The following HYAL4 variants were observed in gnomAD, a reference collection of about 807,000 sequenced individuals.
The protein encoded by HYAL4 is hyaluronidase 4, also known as hyaluronidase-4.
HYAL4 carries 37 observed loss-of-function variants against 35.2 expected under a neutral mutation model. The observed-to-expected ratio is 1.05, with a 90% CI of 0.81 to 1.38. HYAL4 has a LOEUF of 1.38. Ranked by LOEUF, HYAL4 falls within the 40% of genes most tolerant of loss-of-function variation. The pLI is 0.00. For synonymous variants in HYAL4, 198 were observed against 203.2 expected (o/e 0.97, Z 0.22); for missense variants, 572 against 572.4 (o/e 1.00, Z 0.01).
At chr7:123,837,358 A>G (rs1018636156) in intron 1 of HYAL4, among the ~76,000 whole-genome samples, 10 of 152,110 alleles carry the variant, frequency 6.6e-5, no homozygotes, top group African/African-American at 1.9e-4. Context: ...TCAAAAAGGA[A>G]GTGTTTAAGT....
At chr7:123,838,130 C>T (rs560096052) in intron 1 of HYAL4, among the ~76,000 whole-genome samples, 13 of 152,196 alleles carry the variant, frequency 8.5e-5, no homozygotes, top group East Asian at 3.9e-4. Context: ...TTTACAGTCC[C>T]GCCAACAGTG....
chr7:123,769,577 T>A, the HYAL4 span, among the ~76,000 whole-genome samples: 1 of 152,060 alleles, frequency 6.6e-6, no homozygotes, highest in African/African-American at 2.4e-5. Context: ...CTCTCTGCAA[T>A]TGGAGCAATA....
chr7:123,791,449 T>G, the HYAL4 span, among the ~76,000 whole-genome samples: 2 of 152,224 alleles, frequency 1.3e-5, no homozygotes, highest in Non-Finnish European at 2.9e-5. Flanking sequence ...ATTTTCTAAA[T>G]AAAGCCATCT....
the HYAL4 span, among the ~76,000 whole-genome samples, chr7:123,798,636 C>T: frequency 6.6e-6 from 1 of 152,098 alleles, no homozygotes; most frequent in African/African-American, 2.4e-5. Context: ...ATCAAACATG[C>T]CATTTACTCC....
At position 123,868,993 on chromosome 7, in the gene HYAL4, C is replaced by CG. The variant is rs1563003909; in HGVS notation, c.721dup (p.Glu241GlyfsTer7). ...ACTACTCTGGGTCATGCCCAGAAGA[C>CG]GAAGTCTTGAGGAACAATGAGCTCT... On this transcript the variant is annotated frameshift_variant, in exon 3 of 5. Transcript: ENST00000223026. LOFTEE classifies it high-confidence loss of function. 1 of 1,613,810 alleles carries CG rather than the reference C, an allele frequency of 6.2e-7. No homozygotes were observed. The highest frequency in any genetic ancestry group is 1.1e-5 in the South Asian group (1 of 91,054).
chr7:123,849,166 G>T (rs1303203873), intron 2 of HYAL4, among the ~76,000 whole-genome samples: 1 of 152,072 alleles, frequency 6.6e-6, no homozygotes, highest in Non-Finnish European at 1.5e-5. Context: ...GACTATGTAT[G>T]TGACTGTATG....
At chr7:123,822,617 C>T in the HYAL4 span, among the ~76,000 whole-genome samples, 1 of 152,044 alleles carries the variant, frequency 6.6e-6, no homozygotes, top group South Asian at 2.1e-4. Flanking sequence ...ATTTTTATTT[C>T]TTGCCTAATT....
At chr7:123,870,708 C>T (rs1451633507) in intron 3 of HYAL4, among the ~76,000 whole-genome samples, 5 of 149,448 alleles carry the variant, frequency 3.3e-5, no homozygotes, top group African/African-American at 9.9e-5. Flanking sequence ...TGCAGTGAGC[C>T]GAGATTGTGC....
intron 2 of HYAL4, among the ~76,000 whole-genome samples, chr7:123,853,275 T>C (rs1158546615): frequency 6.6e-6 from 1 of 152,222 alleles, no homozygotes; most frequent in African/African-American, 2.4e-5. Flanking sequence ...CTGTGTTGAA[T>C]AGGAGTGGTA....
chr7:123,777,522 G>A, the HYAL4 span, among the ~76,000 whole-genome samples: 3 of 151,998 alleles, frequency 2.0e-5, no homozygotes, highest in South Asian at 2.1e-4. Flanking sequence ...ATCATATGCT[G>A]CTTATTTTAC....
At chr7:123,852,733 T>C (rs1434194368) in intron 2 of HYAL4, among the ~76,000 whole-genome samples, 1 of 152,170 alleles carries the variant, frequency 6.6e-6, no homozygotes, top group East Asian at 1.9e-4. Flanking sequence ...CTTTTTTGGT[T>C]CCATATGAAA....
chr7:123,775,334 C>T, the HYAL4 span, among the ~76,000 whole-genome samples: 3 of 151,846 alleles, frequency 2.0e-5, no homozygotes, highest in Admixed American at 2.0e-4. Context: ...GAGGCTGAGG[C>T]GAGAGGATTG....
chr7:123,831,765 A>G (rs1276290916), intron 1 of HYAL4, among the ~76,000 whole-genome samples: 1 of 152,174 alleles, frequency 6.6e-6, no homozygotes, highest in East Asian at 1.9e-4. Context: ...CAACAGGATT[A>G]TTTCATTGAA....
Position 123,832,479 on chromosome 7 carries a change from C to CTTTTTTTTTTTTTTTTTTT in HYAL4, c.-257+3375_-257+3393dup, listed in dbSNP as rs71163703. Among the ~76,000 whole-genome samples the CTTTTTTTTTTTTTTTTTTT allele has an allele frequency of 4.1e-4, 9 of 21,842 alleles. 2 individuals are homozygous for CTTTTTTTTTTTTTTTTTTT. Among genetic ancestry groups the CTTTTTTTTTTTTTTTTTTT allele is most frequent in the African/African-American group, 8.3e-4 (3 of 3,594 alleles). The allele number at this position is 21,842 out of a possible 152,430, so 14.3% of individuals were successfully genotyped here. A position where few individuals can be genotyped will look rare whatever the true frequency, so the allele number is the denominator to read the frequency against. On this transcript the variant is annotated intron_variant, in intron 1 of 4. Coordinates refer to the HYAL4 transcript ENST00000489978. ...AGTCCCCAAAGTCTATTGTGTCATA[C>CTTTTTTTTTTTTTTTTTTT]TTTTTTTTTTTTTTTTTTTTTTTTT...
the HYAL4 span, among the ~76,000 whole-genome samples, chr7:123,796,243 C>T: frequency 3.3e-5 from 5 of 152,158 alleles, no homozygotes; most frequent in Non-Finnish European, 5.9e-5. Context: ...ACTGTGGAGC[C>T]TCATAGGAAG....
rs12536480 is a variant in HYAL4 at position 123,869,697 on chromosome 7, T to C, written c.954+470T>C. Among the ~76,000 whole-genome samples, 1,261 of 152,148 alleles carry C rather than the reference T, an allele frequency of 8.3e-3. 25 individuals carry two copies. The highest frequency in any genetic ancestry group is 0.029 in the African/African-American group (1,192 of 41,518). ...TTAATCTTTGTTTTGTTTTTTTTTTTTCTTCAAGATGGAGTTTTTTGTTCT... is the reference window on the plus strand; with the variant it reads ...TTAATCTTTGTTTTGTTTTTTTTTTCTCTTCAAGATGGAGTTTTTTGTTCT... On this transcript the variant is annotated intron_variant, in intron 3 of 4. Coordinates refer to ENST00000223026, the MANE Select transcript of HYAL4 (RefSeq NM_012269.3).
At chr7:123,856,985 T>G (rs1806452123) in intron 2 of HYAL4, among the ~76,000 whole-genome samples, 1 of 152,146 alleles carries the variant, frequency 6.6e-6, no homozygotes, top group African/African-American at 2.4e-5. Flanking sequence ...GTTTACACTT[T>G]GAGGGGAAAA....
upstream of HYAL4, among the ~76,000 whole-genome samples, chr7:123,826,989 G>A (rs1444794757): frequency 6.6e-6 from 1 of 152,158 alleles, no homozygotes; most frequent in Non-Finnish European, 1.5e-5. Flanking sequence ...GTCAGATTAT[G>A]TTGGAGTATG....
intron 2 of HYAL4, among the ~76,000 whole-genome samples, chr7:123,861,658 G>C (rs1806578760): frequency 6.6e-6 from 1 of 151,986 alleles, no homozygotes; most frequent in Admixed American, 6.6e-5. Context: ...ATAATATAGT[G>C]AATTTACCAT....
Sources: gnomAD v4.1 joint callset for allele counts (sites outside exome capture counted in the v4.1 genomes callset) on GRCh38, gnomAD v4.1.1 for gene constraint, MANE v1.5 for transcripts, NCBI Gene and HGNC (gene_info 2026-07-23, HGNC 2026-07-21) for gene names.